THSD4: variants seen among roughly 807,000 people sequenced by gnomAD.
THSD4 encodes thrombospondin type-1 domain-containing protein 4.
THSD4 carries 69 observed loss-of-function variants against 119.0 expected under a neutral mutation model. That is an observed-to-expected ratio of 0.58 (90% CI 0.48 to 0.71). The LOEUF (loss-of-function observed/expected upper bound fraction) is 0.71, where lower values mean the gene tolerates loss of function less well. Ranked by LOEUF, THSD4 falls within the 30% of genes least tolerant of loss-of-function variation. THSD4 has a pLI of 0.00. For synonymous variants in THSD4, 524 were observed against 540.4 expected (o/e 0.97, Z 0.42); for missense variants, 1,393 against 1,391.1 (o/e 1.00, Z -0.02).
chr15:71,660,879 C>A, intron 8 of THSD4, 145 bp downstream of exon 8: 1 of 882,142 alleles, frequency 1.1e-6, no homozygotes, highest in Non-Finnish European at 1.7e-6. Context: ...ACCACCTGGC[C>A]TGCGCCTTGA....
chr15:71,529,818 G>A (rs1408975485), intron 7 of THSD4, among the ~76,000 whole-genome samples: 1 of 152,166 alleles, frequency 6.6e-6, no homozygotes, highest in Non-Finnish European at 1.5e-5. Flanking sequence ...TTAATCTACA[G>A]GATTTGAGAA....
intron 7 of THSD4, among the ~76,000 whole-genome samples, chr15:71,601,716 T>C (rs570356874): frequency 5.3e-5 from 8 of 152,224 alleles, no homozygotes; most frequent in South Asian, 4.1e-4. Flanking sequence ...AATGTCACTA[T>C]TTATTGCTTC....
intron 16 of THSD4, 56 bp from the exon 17 acceptor site, chr15:71,771,008 G>A: frequency 6.9e-6 from 11 of 1,588,532 alleles, no homozygotes; most frequent in African/African-American, 1.4e-5. Flanking sequence ...TTTCTCCAGT[G>A]TGCTGAGCTA....
chr15:71,415,851 C>T (rs935457287), intron 7 of THSD4, among the ~76,000 whole-genome samples: 1 of 152,184 alleles, frequency 6.6e-6, no homozygotes, highest in Non-Finnish European at 1.5e-5. Context: ...GGTTGAAGTG[C>T]AGTGCTGCAA....
Position 71,779,552 on chromosome 15 carries a change from A to G in THSD4, c.*2178A>G, listed in dbSNP as rs2053966502. 1 of 152,298 alleles carries G rather than the reference A, an allele frequency of 6.6e-6. No homozygotes were observed. The highest frequency in any genetic ancestry group is 2.4e-5 in the African/African-American group (1 of 41,480). The allele number at this position is 152,298 out of a possible 1,614,324, so 9.4% of individuals were successfully genotyped here. Reference sequence around the variant, plus strand: ...GCCATCAAAGCCGCCCAACAGAGGCAAGGGCCACCACACATGAGAGAGCGC... The same window carrying G: ...GCCATCAAAGCCGCCCAACAGAGGCGAGGGCCACCACACATGAGAGAGCGC... On this transcript the variant is annotated 3_prime_UTR_variant, in exon 18 of 18. Coordinates refer to ENST00000261862, the MANE Select transcript of THSD4 (RefSeq NM_024817.3).
At chr15:71,390,414 C>T (rs2046361317) in intron 6 of THSD4, among the ~76,000 whole-genome samples, 1 of 152,122 alleles carries the variant, frequency 6.6e-6, no homozygotes, top group Non-Finnish European at 1.5e-5. Flanking sequence ...CCCTTTTTTA[C>T]TTAAAGGGTA....
chr15:71,319,494 C>T (rs902658744), intron 6 of THSD4, among the ~76,000 whole-genome samples: 6 of 149,536 alleles, frequency 4.0e-5, no homozygotes, highest in East Asian at 4.0e-4. Context: ...TGAGAACATG[C>T]GGTGTTCAGT....
intron 17 of THSD4, among the ~76,000 whole-genome samples, chr15:71,771,966 G>A (rs565183527): frequency 1.3e-5 from 2 of 152,304 alleles, no homozygotes; most frequent in East Asian, 3.9e-4. Flanking sequence ...CAGATAGGAA[G>A]TGTGAGGTGG....
chr15:71,524,587 C>CTTTTTTTTT (rs71438517), intron 7 of THSD4, among the ~76,000 whole-genome samples: 10 of 59,508 alleles, frequency 1.7e-4, no homozygotes, highest in Admixed American at 2.9e-4. Context: ...GTTTATGCCT[C>CTTTTTTTTT]TTTTTTTTTT....
intron 7 of THSD4, among the ~76,000 whole-genome samples, chr15:71,609,489 T>A (rs1567060939): frequency 1.3e-5 from 2 of 152,138 alleles, no homozygotes; most frequent in Non-Finnish European, 2.9e-5. Flanking sequence ...GCCACATTGA[T>A]CTGCTCTCTT....
At chr15:71,309,803 GTTTC>G (rs1194167170) in intron 6 of THSD4, among the ~76,000 whole-genome samples, 1 of 152,136 alleles carries the variant, frequency 6.6e-6, no homozygotes, top group Non-Finnish European at 1.5e-5. Flanking sequence ...CTTGTTTTCT[GTTTC>G]TTTCTTAATA....
At chr15:71,542,927 A>C (rs2048781300) in intron 7 of THSD4, among the ~76,000 whole-genome samples, 1 of 152,174 alleles carries the variant, frequency 6.6e-6, no homozygotes, top group South Asian at 2.1e-4. Flanking sequence ...TAATCTAAAA[A>C]GTACCTAAGC....
intron 13 of THSD4, among the ~76,000 whole-genome samples, chr15:71,748,086 A>G (rs1292947763): frequency 6.6e-6 from 1 of 152,190 alleles, no homozygotes; most frequent in Non-Finnish European, 1.5e-5. Context: ...CGGAGGTGGT[A>G]TGACAGGGTG....
intron 6 of THSD4, among the ~76,000 whole-genome samples, chr15:71,405,819 T>A (rs1177600933): frequency 6.6e-6 from 1 of 152,218 alleles, no homozygotes; most frequent in Admixed American, 6.5e-5. Context: ...CTTAATTTAT[T>A]TCAACAATAT....
At chr15:71,244,787 T>C (rs1315324748) in intron 5 of THSD4, among the ~76,000 whole-genome samples, 3 of 152,356 alleles carry the variant, frequency 2.0e-5, no homozygotes, top group Admixed American at 6.5e-5. Context: ...TTCCTGAATA[T>C]CTGTTGCTGT....
rs1465628042 is a variant in THSD4 at position 71,780,876 on chromosome 15, G to C, written c.*3502G>C. On this transcript the variant is annotated 3_prime_UTR_variant, in exon 18 of 18. Coordinates refer to ENST00000261862, the MANE Select transcript of THSD4 (RefSeq NM_024817.3). Reference sequence around the variant, plus strand: ...GACAGAAAAGAGAAGACACGAGCTTGGTGTATTTTCATCAAGTTATGTGGC... The same window carrying C: ...GACAGAAAAGAGAAGACACGAGCTTCGTGTATTTTCATCAAGTTATGTGGC... 2.3e-6 allele frequency: 1 copy of C among 441,652 alleles called. No individual in the cohort carries two copies. Among genetic ancestry groups the C allele is most frequent in the Admixed American group, 2.6e-5 (1 of 38,224 alleles). The allele number at this position is 441,652 out of a possible 1,614,324, so 27.4% of individuals were successfully genotyped here.
intron 6 of THSD4, among the ~76,000 whole-genome samples, chr15:71,298,919 G>A (rs1300348505): frequency 6.6e-6 from 1 of 152,174 alleles, no homozygotes; most frequent in Non-Finnish European, 1.5e-5. Context: ...GCCCAGTGCT[G>A]ACCTTTTATT....
chr15:71,262,942 TG>T (rs1393472698), intron 6 of THSD4, among the ~76,000 whole-genome samples: 1 of 151,956 alleles, frequency 6.6e-6, no homozygotes, highest in Non-Finnish European at 1.5e-5. Flanking sequence ...TCAAATTCTT[TG>T]TTTTTGTTTT....
chr15:71,313,770 C>T (rs951483536), intron 6 of THSD4, among the ~76,000 whole-genome samples: 24 of 152,136 alleles, frequency 1.6e-4, no homozygotes, highest in Admixed American at 1.4e-3. Flanking sequence ...AGCTGTGTCT[C>T]GCGGTCTCCC....
Sources: gnomAD v4.1 joint callset for allele counts (sites outside exome capture counted in the v4.1 genomes callset) on GRCh38, gnomAD v4.1.1 for gene constraint, MANE v1.5 for transcripts, NCBI Gene and HGNC (gene_info 2026-07-23, HGNC 2026-07-21) for gene names.